Variants in HECA observed in about 807,000 individuals in gnomAD.
The protein encoded by HECA is headcase protein homolog.
HECA carries 13 observed loss-of-function variants against 37.6 expected under a neutral mutation model. The ratio of observed to expected loss-of-function variants is 0.35; its 90% CI spans 0.23 to 0.55. HECA has a LOEUF of 0.55. HECA is among the 20% of genes least tolerant of loss of function. The pLI, the probability that HECA is intolerant of heterozygous loss-of-function variation, is 0.90. For synonymous variants in HECA, 307 were observed against 291.5 expected (o/e 1.05, Z -0.54); for missense variants, 527 against 701.9 (o/e 0.75, Z 2.82).
rs1263271445 is a variant in HECA, at chr6:139,167,960, GT to G, written c.1312+638del. Among the ~76,000 whole-genome samples the G allele has an allele frequency of 3.9e-5, 6 of 152,130 alleles. No homozygotes were observed. The South Asian group carries it at 1.2e-3, about 32-fold the overall frequency. On this transcript the variant is annotated intron_variant, in intron 2 of 3. Transcript: ENST00000367658. ...GTTGGTTAGTATAAGAAATCTGTCAGTTCATGTACAACTACTGAACTTCCAT... is the reference window on the plus strand; with the variant it reads ...GTTGGTTAGTATAAGAAATCTGTCAGTCATGTACAACTACTGAACTTCCAT...
intron 1 of HECA, among the ~76,000 whole-genome samples, chr6:139,138,016 G>T (rs1418992634): frequency 2.0e-5 from 3 of 152,126 alleles, no homozygotes; most frequent in African/African-American, 4.8e-5. Flanking sequence ...TGAAGTCTTC[G>T]TGAATGATTC....
At chr6:139,165,840 T>A (rs1562247968) in intron 1 of HECA, among the ~76,000 whole-genome samples, 2 of 152,160 alleles carry the variant, frequency 1.3e-5, no homozygotes, top group African/African-American at 4.8e-5. Flanking sequence ...TAAGATAGAG[T>A]ACAACTATGT....
In HECA at chr6:139,176,962, T is replaced by C. The variant is rs1775060666; in HGVS notation, c.1489T>C (p.Cys497Arg). 1 of 872,572 alleles carries C rather than the reference T, an allele frequency of 1.1e-6. No individual in the cohort carries two copies. The highest frequency in any genetic ancestry group is 1.7e-5 in the Admixed American group (1 of 59,160). 54.1% of individuals were successfully genotyped at this position (872,572 alleles called of 1,614,324 possible). The change falls in exon 4 of 4, where the codon TGT becomes CGT. Residue 497 changes from cysteine (C) to arginine (R), a missense_variant. Coordinates refer to ENST00000367658, the MANE Select transcript of HECA (RefSeq NM_016217.3). The surrounding 1 kb of genome is among the most constrained non-coding windows in gnomAD (Gnocchi z 4.5). ...CCQARLNCKH[C>R]GKPVIDVRIG... is the part of the protein sequence containing the mutation. ...CCAGGCCCGCCTGAACTGTAAGCAC[T>C]GTGGGAAGCCGGTGATCGACGTGAG...
intron 1 of HECA, among the ~76,000 whole-genome samples, chr6:139,138,564 C>T (rs1055040142): frequency 1.5e-4 from 23 of 152,098 alleles, no homozygotes; most frequent in Non-Finnish European, 2.9e-4. Context: ...TTGGGCAGTG[C>T]GGCCACCAGA....
intron 1 of HECA, among the ~76,000 whole-genome samples, chr6:139,164,710 C>T (rs1774857536): frequency 6.6e-6 from 1 of 152,106 alleles, no homozygotes; most frequent in Non-Finnish European, 1.5e-5. Context: ...TGCCAAGACA[C>T]AAGTGGGGAA....
chr6:139,137,980 G>A (rs1774471572), intron 1 of HECA, among the ~76,000 whole-genome samples: 1 of 152,110 alleles, frequency 6.6e-6, no homozygotes, highest in African/African-American at 2.4e-5. Flanking sequence ...ATTTTATGAT[G>A]CCTGATTCTT....
intron 1 of HECA, among the ~76,000 whole-genome samples, chr6:139,142,613 G>A (rs1299821521): frequency 6.6e-6 from 1 of 152,136 alleles, no homozygotes. Context: ...GACTTTCCAA[G>A]GCTGGATGTA....
In HECA at chr6:139,180,492, A is replaced by T. The variant is rs1429503584; in HGVS notation, c.*3387A>T. On this transcript the variant is annotated 3_prime_UTR_variant, in exon 4 of 4. Transcript: ENST00000367658. ...AAGTGAGGAGAAAGTGTTCTTGTTTAGTGTTTTATTTCCTATAATAGGATG... is the reference window on the plus strand; with the variant it reads ...AAGTGAGGAGAAAGTGTTCTTGTTTTGTGTTTTATTTCCTATAATAGGATG... The T allele has an allele frequency of 6.6e-6, 1 of 152,626 alleles. No individual in the cohort carries two copies. The highest frequency in any genetic ancestry group is 6.5e-5 in the Admixed American group (1 of 15,276). The allele number at this position is 152,626 out of a possible 1,614,324, so 9.5% of individuals were successfully genotyped here. A position where few individuals can be genotyped will look rare whatever the true frequency, so the allele number is the denominator to read the frequency against.
chr6:139,156,310 C>CT (rs1403846324), intron 1 of HECA, among the ~76,000 whole-genome samples: 1 of 152,148 alleles, frequency 6.6e-6, no homozygotes, highest in African/African-American at 2.4e-5. Flanking sequence ...CAAGCCAATG[C>CT]TTCCACCTCG....
At chr6:139,164,795 G>GC (rs1339243623) in intron 1 of HECA, among the ~76,000 whole-genome samples, 2 of 78,288 alleles carry the variant, frequency 2.6e-5, no homozygotes, top group African/African-American at 5.1e-5. Context: ...CCCCCCCACC[G>GC]CCCCCCACCG....
chr6:139,170,283 G>A (rs1195021972), intron 2 of HECA: 2 of 152,098 alleles, frequency 1.3e-5, no homozygotes, highest in African/African-American at 4.8e-5. Flanking sequence ...TCAAACTTAC[G>A]GATATCACAC....
intron 1 of HECA, among the ~76,000 whole-genome samples, chr6:139,153,701 G>A (rs1340863124): frequency 1.3e-5 from 2 of 151,990 alleles, no homozygotes; most frequent in African/African-American, 2.4e-5. Context: ...TTACAGGTGG[G>A]AGCCACCGCA....
intron 1 of HECA, among the ~76,000 whole-genome samples, chr6:139,150,544 A>AT (rs1460884602): frequency 6.6e-6 from 1 of 151,232 alleles, no homozygotes; most frequent in East Asian, 1.9e-4. Flanking sequence ...AATTTTAAAT[A>AT]TTTTTTTCTT....
chr6:139,167,423 GTT>G lies in HECA; in HGVS notation c.1312+105_1312+106del, dbSNP rs1348830386. The G allele has an allele frequency of 6.7e-6, 7 of 1,045,492 alleles. No individual in the cohort carries two copies. In the African/African-American group the frequency reaches 1.1e-4, roughly 17 times the overall value. 64.8% of individuals were successfully genotyped at this position (1,045,492 alleles called of 1,614,324 possible). A position where few individuals can be genotyped will look rare whatever the true frequency, so the allele number is the denominator to read the frequency against. On this transcript the variant is annotated intron_variant, in intron 2 of 3. Transcript: ENST00000367658. ...TTTTGGTGTAGTTTTCACCAGTGTTGTTTTTTTGTTCTAGTCAGGTGCTAGGT... is the reference window on the plus strand; with the variant it reads ...TTTTGGTGTAGTTTTCACCAGTGTTGTTTTTGTTCTAGTCAGGTGCTAGGT...
At chr6:139,163,288 T>C (rs1370535442) in intron 1 of HECA, among the ~76,000 whole-genome samples, 1 of 151,900 alleles carries the variant, frequency 6.6e-6, no homozygotes, top group Non-Finnish European at 1.5e-5. Flanking sequence ...CAAATGTCTG[T>C]AGTGCAGAGG....
intron 1 of HECA, among the ~76,000 whole-genome samples, chr6:139,136,980 A>G (rs975410243): frequency 1.3e-5 from 2 of 152,204 alleles, no homozygotes; most frequent in African/African-American, 2.4e-5. Flanking sequence ...CAAGCAGCGT[A>G]CAGTGCTCTG....
chr6:139,175,515 C>T (rs146059694), intron 3 of HECA, among the ~76,000 whole-genome samples: 1 of 152,250 alleles, frequency 6.6e-6, no homozygotes, highest in East Asian at 1.9e-4. Flanking sequence ...AAGTGGCTCC[C>T]CTCTGCACAC....
At chr6:139,172,268 C>G (rs767918064) in intron 2 of HECA, among the ~76,000 whole-genome samples, 8 of 152,188 alleles carry the variant, frequency 5.3e-5, no homozygotes, top group Non-Finnish European at 1.0e-4. Context: ...CTAGCCTGAT[C>G]ATGTGTTTTT....
chr6:139,143,318 C>A (rs1222852362), intron 1 of HECA, among the ~76,000 whole-genome samples: 1 of 152,140 alleles, frequency 6.6e-6, no homozygotes, highest in East Asian at 1.9e-4. Context: ...GTGGTTTGTT[C>A]AACCTTATCC....
Sources: gnomAD v4.1 joint callset for allele counts (sites outside exome capture counted in the v4.1 genomes callset) on GRCh38, gnomAD v4.1.1 for gene constraint, Gnocchi (gnomAD v3.1) non-coding constraint, MANE v1.5 for transcripts, NCBI Gene and HGNC (gene_info 2026-07-23, HGNC 2026-07-21) for gene names.